The following PEX14 variants were observed in gnomAD, a reference collection of about 807,000 sequenced individuals.
PEX14 encodes the protein peroxisomal membrane protein PEX14.
Under a neutral mutation model 49.5 loss-of-function variants are expected in PEX14, and 15 were observed. The observed-to-expected ratio is 0.30, with a 90% confidence interval of 0.20 to 0.47. PEX14 has a LOEUF of 0.47. Ranked by LOEUF, PEX14 falls within the 20% of genes least tolerant of loss-of-function variation. The pLI is 1.00. For missense variants in PEX14, 398 were observed against 494.8 expected, an observed-to-expected ratio of 0.80 and a Z score of 1.86; for synonymous variants, 210 against 212.7, an observed-to-expected ratio of 0.99 and a Z score of 0.11.
chr1:10,525,786 C>T (rs1331794617), intron 2 of PEX14, among the ~76,000 whole-genome samples: 3 of 152,036 alleles, frequency 2.0e-5, no homozygotes, highest in Admixed American at 1.3e-4. Flanking sequence ...CCACCACACC[C>T]GGCTAATTTT....
At chr1:10,540,330 T>A (rs1277530650) in intron 3 of PEX14, among the ~76,000 whole-genome samples, 9 of 152,350 alleles carry the variant, frequency 5.9e-5, no homozygotes, top group Non-Finnish European at 1.3e-4. Flanking sequence ...TTCTTTTTTT[T>A]ATCATTTACG....
chr1:10,516,676 G>A (rs180780882), intron 2 of PEX14, among the ~76,000 whole-genome samples: 1 of 152,352 alleles, frequency 6.6e-6, no homozygotes, highest in Admixed American at 6.5e-5. Context: ...CTAGCTACTT[G>A]CAGGAGAATA....
At chr1:10,543,825 C>G (rs917918452) in intron 3 of PEX14, among the ~76,000 whole-genome samples, 1 of 152,172 alleles carries the variant, frequency 6.6e-6, no homozygotes, top group African/African-American at 2.4e-5. Context: ...GTCTCAAACT[C>G]TCGGCCTCAA....
At chr1:10,607,136 G>C (rs1013171548) in intron 4 of PEX14, among the ~76,000 whole-genome samples, 3 of 151,940 alleles carry the variant, frequency 2.0e-5, no homozygotes, top group African/African-American at 7.3e-5. Context: ...GAATCATACA[G>C]TATTGTACTC....
At chr1:10,476,860 G>A (rs1003642861) in intron 1 of PEX14, among the ~76,000 whole-genome samples, 1 of 152,014 alleles carries the variant, frequency 6.6e-6, no homozygotes, top group African/African-American at 2.4e-5. Flanking sequence ...TTGCCACTTG[G>A]AGCCACTGTT....
At chr1:10,531,432 C>G (rs1174986776) in intron 2 of PEX14, among the ~76,000 whole-genome samples, 1 of 152,152 alleles carries the variant, frequency 6.6e-6, no homozygotes, top group African/African-American at 2.4e-5. Context: ...TGTTAAAACT[C>G]GAGTTGGCTT....
At chr1:10,560,269 C>A (rs866141186) in intron 3 of PEX14, among the ~76,000 whole-genome samples, 11 of 152,188 alleles carry the variant, frequency 7.2e-5, no homozygotes, top group African/African-American at 2.6e-4. Context: ...GTTGGTCAGA[C>A]TGGTCTTGAA....
At chr1:10,600,621 G>A (rs1220755815) in intron 4 of PEX14, among the ~76,000 whole-genome samples, 11 of 151,988 alleles carry the variant, frequency 7.2e-5, no homozygotes, top group Non-Finnish European at 1.5e-5. Flanking sequence ...AGGGGGCTGA[G>A]GCAGGAGAAT....
chr1:10,552,198 C>T (rs566657380), intron 3 of PEX14, among the ~76,000 whole-genome samples: 1 of 152,278 alleles, frequency 6.6e-6, no homozygotes, highest in South Asian at 2.1e-4. Flanking sequence ...AATACCAGCA[C>T]TTTGGGAGGC....
At chr1:10,505,133 G>A (rs779039008) in intron 2 of PEX14, among the ~76,000 whole-genome samples, 2 of 152,098 alleles carry the variant, frequency 1.3e-5, no homozygotes, top group East Asian at 1.9e-4. Flanking sequence ...AGCATTTACC[G>A]ACAGTGGATT....
At chr1:10,573,252 A>G (rs544586013) in intron 3 of PEX14, among the ~76,000 whole-genome samples, 2 of 152,334 alleles carry the variant, frequency 1.3e-5, no homozygotes, top group African/African-American at 4.8e-5. Context: ...AACTCCTACA[A>G]ATCAGTAAGA....
chr1:10,608,681 A>G (rs866809151), intron 4 of PEX14, among the ~76,000 whole-genome samples: 136 of 152,276 alleles, frequency 8.9e-4, no homozygotes, highest in African/African-American at 3.0e-3. Context: ...AAAGAAAAAA[A>G]AAAAATCAAC....
intron 5 of PEX14, among the ~76,000 whole-genome samples, chr1:10,619,024 T>G (rs1641517981): frequency 6.6e-6 from 1 of 152,222 alleles, no homozygotes; most frequent in African/African-American, 2.4e-5. Flanking sequence ...TGTCATCAGA[T>G]GTATGGGAGC....
intron 3 of PEX14, among the ~76,000 whole-genome samples, chr1:10,562,617 G>A (rs10779741): frequency 0.97 from 147,802 of 152,332 alleles, 71,852 homozygotes; most frequent in East Asian, 1. Context: ...GTGTCTTTCC[G>A]GCATCATAAA....
Position 10,529,630 on chromosome 1 carries a change from G to A in PEX14, c.85-6583G>A, listed in dbSNP as rs369437297. 6.6e-5 allele frequency among the ~76,000 whole-genome samples: 10 copies of A among 152,226 alleles called. No homozygotes were observed. The highest frequency in any genetic ancestry group is 2.4e-4 in the African/African-American group (10 of 41,450). The stretch of plus-strand genomic sequence containing the variant: ...GAAAGGTAGTTTTTGTGCATGTGAA[G>A]TTGCCACTTTTCATAAAGGCTTTTA... On this transcript the variant is annotated intron_variant, in intron 2 of 8. Coordinates refer to ENST00000356607, the MANE Select transcript of PEX14 (RefSeq NM_004565.3). The surrounding 1 kb of genome is among the most constrained non-coding windows in gnomAD (Gnocchi z 4.2).
chr1:10,505,668 G>A (rs1000306158), intron 2 of PEX14, among the ~76,000 whole-genome samples: 1 of 147,516 alleles, frequency 6.8e-6, no homozygotes, highest in South Asian at 2.2e-4. Flanking sequence ...TGAGCCACCC[G>A]GCCCAGCTTG....
intron 3 of PEX14, among the ~76,000 whole-genome samples, chr1:10,545,267 T>A (rs1639135396): frequency 6.6e-6 from 1 of 152,196 alleles, no homozygotes; most frequent in South Asian, 2.1e-4. Flanking sequence ...GTTTTCAGAT[T>A]TTGGATATTA....
chr1:10,612,580 G>A (rs969085428), intron 4 of PEX14, among the ~76,000 whole-genome samples: 14 of 152,110 alleles, frequency 9.2e-5, no homozygotes, highest in Admixed American at 7.2e-4. Context: ...GAGCAGAGAC[G>A]ATCTGTTTCT....
intron 7 of PEX14, among the ~76,000 whole-genome samples, chr1:10,626,920 G>C (rs1028383160): frequency 1.3e-5 from 2 of 152,196 alleles, no homozygotes; most frequent in Non-Finnish European, 2.9e-5. Context: ...GATGGTGGCT[G>C]TTTCCTCTTT....
Sources: allele counts gnomAD v4.1 joint callset (sites outside exome capture counted in the v4.1 genomes callset), GRCh38; gene constraint gnomAD v4.1.1; non-coding constraint Gnocchi (gnomAD v3.1); transcripts MANE v1.5; gene names NCBI Gene and HGNC (gene_info 2026-07-23, HGNC 2026-07-21).